The following FUT2 variants were observed in gnomAD, a reference collection of about 807,000 sequenced individuals.
FUT2 encodes fucosyltransferase 2 (H blood group).
For missense variants in FUT2, 419 were observed against 465.8 expected (o/e 0.90, Z 0.93); for synonymous variants, 182 against 193.1 (o/e 0.94, Z 0.48).
chr19:48,705,100 C>CTTTTTTTTTTT lies in FUT2; in HGVS notation c.*1117_*1118insTTTTTTTTTTT, dbSNP rs1568463036. On this transcript the variant is annotated 3_prime_UTR_variant, in exon 2 of 2. Transcript: ENST00000425340. ...CCCAGAGAGCTCACTGTTTTCTTTT[C>CTTTTTTTTTTT]TTTTTCTTTTCTTTTTTTTTTTTTT... The CTTTTTTTTTTT allele has an allele frequency of 2.3e-5, 4 of 174,916 alleles. 1 individual carries two copies. Among genetic ancestry groups the CTTTTTTTTTTT allele is most frequent in the African/African-American group, 1.8e-4 (4 of 21,844 alleles). The allele number at this position is 174,916 out of a possible 1,614,324, so 10.8% of individuals were successfully genotyped here. A position where few individuals can be genotyped will look rare whatever the true frequency, so the allele number is the denominator to read the frequency against.
Position 48,704,736 on chromosome 19 carries a change from C to G in FUT2, c.*748C>G, listed in dbSNP as rs2032604903. 2 of 413,394 alleles carry G rather than the reference C, an allele frequency of 4.8e-6. No individual in the cohort carries two copies. Among genetic ancestry groups the G allele is most frequent in the Non-Finnish European group, 8.8e-6 (2 of 226,266 alleles). 25.6% of individuals were successfully genotyped at this position (413,394 alleles called of 1,614,324 possible). ...AAGAATGAATGAAACCTTCCTAAGC[C>G]TTCCAGCAATTTCCCCCCAACTCCG... On this transcript the variant is annotated 3_prime_UTR_variant, in exon 2 of 2. Coordinates refer to ENST00000425340, the MANE Select transcript of FUT2 (RefSeq NM_000511.6).
chr19:48,698,473 C>T (rs944339114), intron 1 of FUT2, among the ~76,000 whole-genome samples: 6 of 151,934 alleles, frequency 3.9e-5, no homozygotes, highest in Non-Finnish European at 8.8e-5. Context: ...CTCTGTCGCC[C>T]AGGCTGGAGT....
Position 48,703,430 on chromosome 19 carries a change from C to T in FUT2, c.474C>T (p.His158=), listed in dbSNP as rs144914087. The part of the protein sequence containing the change: ...TGYPCSWTFY[H]HLRQEILQEF... ...ACCCCTGCTCCTGGACCTTCTACCA[C>T]CACCTCCGCCAGGAGATCCTCCAGG... Residue 158 remains histidine (H), a synonymous_variant, in exon 2 of 2, where the codon CAC becomes CAT. Coordinates refer to ENST00000425340, the MANE Select transcript of FUT2 (RefSeq NM_000511.6). The T allele has an allele frequency of 2.5e-6, 4 of 1,612,920 alleles. No homozygotes were observed. The highest frequency in any genetic ancestry group is 2.2e-5 in the South Asian group (2 of 90,646).
At position 48,704,214 on chromosome 19, in the gene FUT2, G is replaced by C; in HGVS notation, c.*226G>C. 1.7e-6 allele frequency: 1 copy of C among 589,248 alleles called. No homozygotes were observed. Among genetic ancestry groups the C allele is most frequent in the Non-Finnish European group, 3.1e-6 (1 of 319,282 alleles). The allele number at this position is 589,248 out of a possible 1,614,324, so 36.5% of individuals were successfully genotyped here. A position where few individuals can be genotyped will look rare whatever the true frequency, so the allele number is the denominator to read the frequency against. On this transcript the variant is annotated 3_prime_UTR_variant, in exon 2 of 2. Transcript: ENST00000425340. ...GGGTGGGTGGATCACTTGAGGTCAG[G>C]AGTTCAAGACTAGCCTGGCCAACAT... is the stretch of plus-strand genomic sequence containing the variant.
At chr19:48,701,157 C>A (rs925818509) in intron 1 of FUT2, among the ~76,000 whole-genome samples, 1 of 151,772 alleles carries the variant, frequency 6.6e-6, no homozygotes, top group African/African-American at 2.4e-5. Flanking sequence ...CTTTTCTTTT[C>A]TTTTTTTGAA....
intron 1 of FUT2, among the ~76,000 whole-genome samples, chr19:48,701,115 G>A (rs1333228978): frequency 6.6e-6 from 1 of 151,928 alleles, no homozygotes; most frequent in Non-Finnish European, 1.5e-5. Flanking sequence ...CCTTGGCATT[G>A]TGTCCACCCA....
In FUT2 at chr19:48,703,047, CG is replaced by C. The variant is rs2032546267; in HGVS notation, c.93del (p.Leu32Ter). On this transcript the variant is annotated frameshift_variant, in exon 2 of 2. Coordinates refer to ENST00000425340, the MANE Select transcript of FUT2 (RefSeq NM_000511.6). LOFTEE classifies it low-confidence loss of function (END_TRUNC). Reference protein sequence around the residue: ...TVSTIFHVQQRLAKIQAMWEL... With the variant: ...TVSTIFHVQQXLAKIQAMWEL... ...TTCCACTATATTTCACGTTCAGCAG[CG>C]GCTAGCGAAGATTCAAGCCATGTGG... The C allele has an allele frequency of 1.2e-6, 2 of 1,612,994 alleles. No individual in the cohort carries two copies. Among genetic ancestry groups the C allele is most frequent in the Admixed American group, 1.7e-5 (1 of 60,012 alleles).
At position 48,703,569 on chromosome 19, in the gene FUT2, T is replaced by C; in HGVS notation, c.613T>C (p.Tyr205His). 6.2e-7 allele frequency: 1 copy of C among 1,613,376 alleles called. No individual in the cohort carries two copies. The highest frequency in any genetic ancestry group is 8.5e-7 in the Non-Finnish European group (1 of 1,179,998). ...AGGGGTCCATGTTCGCCGAGGGGAC[T>C]ATGTCCATGTCATGCCAAAAGTGTG... ...FVGVHVRRGD[Y>H]VHVMPKVWKG... Residue 205 changes from tyrosine to histidine, a missense_variant, in exon 2 of 2, where the codon TAT becomes CAT. Coordinates refer to ENST00000425340, the MANE Select transcript of FUT2 (RefSeq NM_000511.6).
Position 48,703,803 on chromosome 19 carries a change from C to A in FUT2, c.847C>A (p.His283Asn). 1.9e-6 allele frequency: 3 copies of A among 1,613,648 alleles called. No homozygotes were observed. The highest frequency in any genetic ancestry group is 2.5e-6 in the Non-Finnish European group (3 of 1,180,024). ...KDFALLTQCN[H>N]TIMTIGTFGI... ...TTTTGCTCTACTCACACAGTGTAAC[C>A]ACACCATCATGACCATTGGGACGTT... Residue 283 changes from histidine (H) to asparagine (N), a missense_variant, in exon 2 of 2, where the codon CAC (histidine) becomes AAC (asparagine). By Grantham distance (68) the His-to-Asn change is moderately conservative. Coordinates refer to ENST00000425340, the MANE Select transcript of FUT2 (RefSeq NM_000511.6).
At chr19:48,699,216 TGG>T (rs1313532242) in intron 1 of FUT2, among the ~76,000 whole-genome samples, 1 of 151,916 alleles carries the variant, frequency 6.6e-6, no homozygotes, top group Admixed American at 6.6e-5. Context: ...TGTTTTTAGA[TGG>T]AGTTTTACTC....
rs138643842 is a variant in FUT2, at chr19:48,703,610, C to T, written c.654C>T (p.Ala218=). 86 of 1,613,406 alleles carry T rather than the reference C, an allele frequency of 5.3e-5. No homozygotes were observed. In the African/African-American group the frequency reaches 8.5e-4, roughly 16 times the overall value. ...CAAAAGTGTGGAAGGGGGTGGTGGC[C>T]GACCGGCGATACCTACAGCAGGCCC... is the stretch of plus-strand genomic sequence containing the variant. The part of the protein sequence containing the change: ...VMPKVWKGVV[A]DRRYLQQALD... The change falls in exon 2 of 2, where the codon GCC becomes GCT. Residue 218 remains alanine (A), a synonymous_variant. Coordinates refer to ENST00000425340, the MANE Select transcript of FUT2 (RefSeq NM_000511.6).
Position 48,703,102 on chromosome 19 carries a change from CCT to C in FUT2, c.148_149del (p.Ser50AsnfsTer194), listed in dbSNP as rs778155021. 6.8e-6 allele frequency: 11 copies of C among 1,613,464 alleles called. No individual in the cohort carries two copies. The highest frequency in any genetic ancestry group is 8.5e-7 in the Non-Finnish European group (1 of 1,180,026). The stretch of plus-strand genomic sequence containing the variant: ...TTACCGGTGCAGATACCAGTGCTAG[CCT>C]CAACATCAAAGGCACTGGGACCCAG... On this transcript the variant is annotated frameshift_variant, in exon 2 of 2. Coordinates refer to ENST00000425340, the MANE Select transcript of FUT2 (RefSeq NM_000511.6). LOFTEE classifies it low-confidence loss of function (END_TRUNC).
chr19:48,697,887 T>G (rs1382039819), intron 1 of FUT2, among the ~76,000 whole-genome samples: 1 of 151,872 alleles, frequency 6.6e-6, no homozygotes, highest in African/African-American at 2.4e-5. Context: ...AGAAATGGGG[T>G]TTCACCATAT....
At position 48,703,892 on chromosome 19, in the gene FUT2, C is replaced by A; in HGVS notation, c.936C>A (p.Pro312=). 1 of 1,613,670 alleles carries A rather than the reference C, an allele frequency of 6.2e-7. No individual in the cohort carries two copies. The highest frequency in any genetic ancestry group is 1.7e-5 in the Admixed American group (1 of 60,006). ...TCTACCTGGCCAATTACACCCTCCC[C>A]GACTCCCCTTTCCTCAAAATCTTTA... ...DTIYLANYTL[P]DSPFLKIFKP... The change falls in exon 2 of 2, where the codon CCC becomes CCA. Residue 312 remains proline, a synonymous_variant. Coordinates refer to ENST00000425340, the MANE Select transcript of FUT2 (RefSeq NM_000511.6).
intron 1 of FUT2, among the ~76,000 whole-genome samples, chr19:48,701,284 T>C (rs887390535): frequency 1.3e-5 from 2 of 151,966 alleles, no homozygotes; most frequent in Non-Finnish European, 2.9e-5. Flanking sequence ...GTTCAAGCAA[T>C]TCTCCTGCCT....
Position 48,703,718 on chromosome 19 carries a change from C to T in FUT2, c.762C>T (p.Asp254=), listed in dbSNP as rs373029662. ...TGGCCTGGTGTCGGGAGAACATTGA[C>T]ACCTCCCACGGTGATGTGGTGTTTG... ...NGMAWCRENI[D]TSHGDVVFAG... Residue 254 remains aspartate (D), a synonymous_variant, in exon 2 of 2, where the codon GAC becomes GAT. Transcript: ENST00000425340. 3.9e-5 allele frequency: 63 copies of T among 1,613,526 alleles called. No homozygotes were observed. Among genetic ancestry groups the T allele is most frequent in the Non-Finnish European group, 5.3e-5 (63 of 1,180,034 alleles).
At chr19:48,700,989 G>A (rs905271368) in intron 1 of FUT2, among the ~76,000 whole-genome samples, 24 of 152,110 alleles carry the variant, frequency 1.6e-4, no homozygotes, top group Middle Eastern at 3.4e-3. Context: ...TGGCTTTAGA[G>A]TAGACAACAG....
Position 48,703,574 on chromosome 19 carries a change from C to T in FUT2, c.618C>T (p.Val206=), listed in dbSNP as rs2032571410. 2 of 1,613,432 alleles carry T rather than the reference C, an allele frequency of 1.2e-6. No individual in the cohort carries two copies. The highest frequency in any genetic ancestry group is 2.7e-5 in the African/African-American group (2 of 75,056). The change falls in exon 2 of 2, where the codon GTC becomes GTT. Residue 206 remains valine, a synonymous_variant. Coordinates refer to ENST00000425340, the MANE Select transcript of FUT2 (RefSeq NM_000511.6). ...VGVHVRRGDY[V]HVMPKVWKGV... is the part of the protein sequence containing the mutation. ...TCCATGTTCGCCGAGGGGACTATGTCCATGTCATGCCAAAAGTGTGGAAGG... is the reference window on the plus strand; with the variant it reads ...TCCATGTTCGCCGAGGGGACTATGTTCATGTCATGCCAAAAGTGTGGAAGG...
chr19:48,705,014 G>A lies in FUT2; in HGVS notation c.*1026G>A. 1 of 402,378 alleles carries A rather than the reference G, an allele frequency of 2.5e-6. No homozygotes were observed. The highest frequency in any genetic ancestry group is 6.5e-4 in the Middle Eastern group (1 of 1,536). The allele number at this position is 402,378 out of a possible 1,614,324, so 24.9% of individuals were successfully genotyped here. On this transcript the variant is annotated 3_prime_UTR_variant, in exon 2 of 2. Coordinates refer to ENST00000425340, the MANE Select transcript of FUT2 (RefSeq NM_000511.6). ...GGAAGTCCCCTGGTTAAGAAGGCAA[G>A]TGGGGTTTAAACAGACCCACAGTCT...
Sources: gnomAD v4.1 joint callset for allele counts (sites outside exome capture counted in the v4.1 genomes callset) on GRCh38, gnomAD v4.1.1 for gene constraint, MANE v1.5 for transcripts, NCBI Gene and HGNC (gene_info 2026-07-23, HGNC 2026-07-21) for gene names.